PARD3: variants seen among roughly 807,000 people sequenced by gnomAD.
PARD3 encodes the protein par-3 family cell polarity regulator.
PARD3 carries 75 observed loss-of-function variants against 155.4 expected under a neutral mutation model. The ratio of observed to expected loss-of-function variants is 0.48; its 90% CI spans 0.40 to 0.58. The LOEUF (loss-of-function observed/expected upper bound fraction) is 0.58. Ranked by LOEUF, PARD3 falls within the 20% of genes least tolerant of loss-of-function variation. The pLI, the probability that PARD3 is intolerant of heterozygous loss-of-function variation, is 0.00. For missense variants in PARD3, 1,642 were observed against 1,721.7 expected (o/e 0.95, Z 0.82); for synonymous variants, 576 against 610.5 (o/e 0.94, Z 0.83).
At position 34,605,911 on chromosome 10, in the gene PARD3, A is replaced by C. The variant is rs868468292; in HGVS notation, c.223-88752T>G. On this transcript the variant is annotated intron_variant, in intron 2 of 24. Coordinates refer to ENST00000374788, the MANE Select transcript of PARD3 (RefSeq NM_001184785.2). ...CTATATATATATCTCCTATATATAT[A>C]TCTCCTATATATATATCTCCTATAT... 9.1e-4 allele frequency among the ~76,000 whole-genome samples: 91 copies of C among 99,958 alleles called. 10 individuals are homozygous for C. Among genetic ancestry groups the C allele is most frequent in the African/African-American group, 3.2e-3 (74 of 23,244 alleles). The allele number at this position is 99,958 out of a possible 152,430, so 65.6% of individuals were successfully genotyped here. A position where few individuals can be genotyped will look rare whatever the true frequency, so the allele number is the denominator to read the frequency against.
chr10:34,179,089 G>C (rs1427601795), intron 22 of PARD3, among the ~76,000 whole-genome samples: 1 of 152,128 alleles, frequency 6.6e-6, no homozygotes, highest in East Asian at 1.9e-4. Context: ...AGGAAGAAAA[G>C]ACGTCAATAT....
intron 20 of PARD3, among the ~76,000 whole-genome samples, chr10:34,293,454 T>C (rs904787505): frequency 6.6e-6 from 1 of 152,102 alleles, no homozygotes; most frequent in Non-Finnish European, 1.5e-5. Flanking sequence ...CCCAACTAAA[T>C]TGACGTTATT....
At chr10:34,414,424 A>T (rs1845447408) in intron 5 of PARD3, among the ~76,000 whole-genome samples, 1 of 152,180 alleles carries the variant, frequency 6.6e-6, no homozygotes, top group African/African-American at 2.4e-5. Context: ...CGGCCTTGCA[A>T]CTTGGATAGG....
chr10:34,214,293 C>T (rs910670758), intron 22 of PARD3, among the ~76,000 whole-genome samples: 5 of 152,180 alleles, frequency 3.3e-5, no homozygotes, highest in South Asian at 2.1e-4. Context: ...GTGGGTGTTG[C>T]GATTTCAGAA....
chr10:34,272,354 T>C (rs1955657989), intron 21 of PARD3, among the ~76,000 whole-genome samples: 1 of 152,166 alleles, frequency 6.6e-6, no homozygotes, highest in Non-Finnish European at 1.5e-5. Context: ...AAAGCTCTAA[T>C]TAGAAGATGA....
intron 5 of PARD3, among the ~76,000 whole-genome samples, chr10:34,440,133 AGC>A (rs1401220027): frequency 6.6e-6 from 1 of 152,238 alleles, no homozygotes; most frequent in Non-Finnish European, 1.5e-5. Flanking sequence ...TAGATTAAAT[AGC>A]TAGATCATAA....
chr10:34,258,462 G>C (rs1954774537), intron 22 of PARD3, among the ~76,000 whole-genome samples: 1 of 152,192 alleles, frequency 6.6e-6, no homozygotes, highest in Admixed American at 6.5e-5. Flanking sequence ...CGTTTGCTGA[G>C]ATTAGGCTGT....
intron 4 of PARD3, among the ~76,000 whole-genome samples, chr10:34,458,132 CA>C (rs2132900661): frequency 6.6e-6 from 1 of 152,294 alleles, no homozygotes; most frequent in South Asian, 2.1e-4. Flanking sequence ...TACGAATAAT[CA>C]TACGTAAAAT....
intron 22 of PARD3, among the ~76,000 whole-genome samples, chr10:34,218,573 G>A (rs1444151174): frequency 7.9e-5 from 12 of 152,222 alleles, no homozygotes; most frequent in Admixed American, 2.0e-4. Flanking sequence ...TGGGAAGGGC[G>A]GGAAATACTT....
At chr10:34,625,339 G>A (rs1021287288) in intron 2 of PARD3, among the ~76,000 whole-genome samples, 4 of 152,190 alleles carry the variant, frequency 2.6e-5, no homozygotes, top group African/African-American at 9.7e-5. Context: ...TACACTTACT[G>A]AGCACCAACT....
chr10:34,340,665 G>A (rs1455030744), intron 16 of PARD3, among the ~76,000 whole-genome samples: 25 of 152,142 alleles, frequency 1.6e-4, no homozygotes, highest in Admixed American at 1.6e-3. Context: ...TGTTCATGTG[G>A]AGAGTCAGGG....
intron 5 of PARD3, among the ~76,000 whole-genome samples, chr10:34,432,202 A>C (rs2075970556): frequency 6.6e-6 from 1 of 151,936 alleles, no homozygotes; most frequent in Non-Finnish European, 1.5e-5. Context: ...AAGACTAAGC[A>C]AATAGGAAAA....
chr10:34,743,768 A>C (rs2095059159), intron 1 of PARD3, among the ~76,000 whole-genome samples: 1 of 152,190 alleles, frequency 6.6e-6, no homozygotes, highest in Non-Finnish European at 1.5e-5. Flanking sequence ...AATCAATGCC[A>C]AGGTTGGAGG....
At chr10:34,165,342 A>G (rs1439598958) in intron 22 of PARD3, among the ~76,000 whole-genome samples, 1 of 152,164 alleles carries the variant, frequency 6.6e-6, no homozygotes, top group Admixed American at 6.5e-5. Flanking sequence ...TGTGGAGGAT[A>G]TTAGAAATTT....
At chr10:34,594,553 G>A (rs965323334) in intron 2 of PARD3, among the ~76,000 whole-genome samples, 3 of 151,522 alleles carry the variant, frequency 2.0e-5, no homozygotes, top group African/African-American at 7.3e-5. Flanking sequence ...CAGGAATTAC[G>A]ACGACAGGAT....
intron 1 of PARD3, among the ~76,000 whole-genome samples, chr10:34,726,941 T>A (rs922907153): frequency 6.6e-6 from 1 of 152,140 alleles, no homozygotes; most frequent in African/African-American, 2.4e-5. Flanking sequence ...GGACAGGGAA[T>A]CAAGTCCAGT....
At chr10:34,579,125 A>C (rs2087161199) in intron 2 of PARD3, among the ~76,000 whole-genome samples, 1 of 152,042 alleles carries the variant, frequency 6.6e-6, no homozygotes, top group Admixed American at 6.6e-5. Flanking sequence ...CAAAACTTAG[A>C]CGGGCATGGT....
rs753854726 is a variant in PARD3, at chr10:34,336,171, T to C, written c.2605+28A>G. ...TAAGCTATGTGGGCCATCGTTTCTA[T>C]GGCAACAGTCTAACTGTCCATTCTT... On this transcript the variant is annotated intron_variant, in intron 18 of 24. Coordinates refer to ENST00000374788, the MANE Select transcript of PARD3 (RefSeq NM_001184785.2). 39 of 1,587,622 alleles carry C rather than the reference T, an allele frequency of 2.5e-5. No homozygotes were observed. In the South Asian group the frequency reaches 3.5e-4, roughly 14 times the overall value.
At chr10:34,593,451 A>T (rs146513357) in intron 2 of PARD3, among the ~76,000 whole-genome samples, 104 of 152,344 alleles carry the variant, frequency 6.8e-4, no homozygotes, top group African/African-American at 2.3e-3. Context: ...CAGAGATAAT[A>T]CATATTTTTA....
Sources: allele counts gnomAD v4.1 joint callset (sites outside exome capture counted in the v4.1 genomes callset), GRCh38; gene constraint gnomAD v4.1.1; transcripts MANE v1.5; gene names NCBI Gene and HGNC (gene_info 2026-07-23, HGNC 2026-07-21).